The following SYT10 variants were observed in gnomAD, a reference collection of about 807,000 sequenced individuals.
The protein encoded by SYT10 is synaptotagmin-10.
In SYT10, 31 loss-of-function variants were observed where a neutral mutation model predicts 51.1. The ratio of observed to expected loss-of-function variants is 0.61; its 90% CI spans 0.46 to 0.82. SYT10 has a LOEUF of 0.82. SYT10 is among the 40% of genes least tolerant of loss of function. The probability of loss-of-function intolerance (pLI) is 0.00; values close to 1 mark genes in which losing one functional copy is unlikely to be tolerated. For synonymous variants in SYT10, 233 were observed against 225.9 expected, an observed-to-expected ratio of 1.03 and a Z score of -0.28; for missense variants, 603 against 634.0, an observed-to-expected ratio of 0.95 and a Z score of 0.53.
At position 33,376,533 on chromosome 12, in the gene SYT10, TA is replaced by T. The variant is rs1866063655; in HGVS notation, c.*296del. On this transcript the variant is annotated 3_prime_UTR_variant, in exon 7 of 7. Coordinates refer to ENST00000228567, the MANE Select transcript of SYT10 (RefSeq NM_198992.4). ...TAATTTTAGGTAAGTATGAACTGTTTAAAAAAACATTTCATATGCAAAGAAT... is the reference window on the plus strand; with the variant it reads ...TAATTTTAGGTAAGTATGAACTGTTTAAAAAACATTTCATATGCAAAGAAT... 2.6e-6 allele frequency: 1 copy of T among 377,386 alleles called. No individual in the cohort carries two copies. Among genetic ancestry groups the T allele is most frequent in the East Asian group, 4.7e-5 (1 of 21,312 alleles). 23.4% of individuals were successfully genotyped at this position (377,386 alleles called of 1,614,324 possible).
intron 2 of SYT10, among the ~76,000 whole-genome samples, chr12:33,421,505 C>G (rs1474308369): frequency 6.6e-6 from 1 of 152,078 alleles, no homozygotes; most frequent in Non-Finnish European, 1.5e-5. Context: ...TAACCTCTTT[C>G]TAATAGGAAC....
chr12:33,388,991 G>T (rs1324721307), intron 3 of SYT10, among the ~76,000 whole-genome samples: 1 of 152,180 alleles, frequency 6.6e-6, no homozygotes, highest in African/African-American at 2.4e-5. Context: ...TAACTAGAAG[G>T]TCTATTAACC....
intron 3 of SYT10, chr12:33,405,935 CA>C (rs1866349241): frequency 6.7e-6 from 1 of 149,800 alleles, no homozygotes. Context: ...AAGTGTCTAA[CA>C]GTAAGAAAAT....
In SYT10 at chr12:33,375,949, CGTCACAAAAAAATACAT is replaced by C. The variant is rs1015257127; in HGVS notation, c.*864_*880del. The C allele has an allele frequency of 6.6e-6, 1 of 152,348 alleles. No individual in the cohort carries two copies. Among genetic ancestry groups the C allele is most frequent in the African/African-American group, 2.4e-5 (1 of 41,356 alleles). The allele number at this position is 152,348 out of a possible 1,614,324, so 9.4% of individuals were successfully genotyped here. On this transcript the variant is annotated 3_prime_UTR_variant, in exon 7 of 7. Coordinates refer to ENST00000228567, the MANE Select transcript of SYT10 (RefSeq NM_198992.4). ...ATAGCTTCAAGTCACAAAAAATACA[CGTCACAAAAAAATACAT>C]GTCACAGTACTTGAGAACCTTACAA...
chr12:33,418,801 T>C (rs1866476331), intron 2 of SYT10, among the ~76,000 whole-genome samples: 1 of 152,188 alleles, frequency 6.6e-6, no homozygotes, highest in Admixed American at 6.5e-5. Context: ...GATTAGAGCT[T>C]CCTTAGTGGA....
intron 3 of SYT10, among the ~76,000 whole-genome samples, chr12:33,397,836 A>G (rs539009650): frequency 6.6e-6 from 1 of 152,272 alleles, no homozygotes; most frequent in South Asian, 2.1e-4. Context: ...GAGGCTTCCC[A>G]GGCAGAAACA....
chr12:33,426,561 A>G, intron 1 of SYT10, 66 bp from the exon 2 acceptor site: 1 of 1,257,938 alleles, frequency 7.9e-7, no homozygotes, highest in Admixed American at 3.2e-5. Flanking sequence ...AATGGAAAGA[A>G]TATTTTACAT....
chr12:33,376,608 G>C lies in SYT10; in HGVS notation c.*222C>G. On this transcript the variant is annotated 3_prime_UTR_variant, in exon 7 of 7. Coordinates refer to ENST00000228567, the MANE Select transcript of SYT10 (RefSeq NM_198992.4). The stretch of plus-strand genomic sequence containing the variant: ...GTGCTAACAGGCATTTGATACGAAG[G>C]ATAAAATGCCTTATGCAACTAAGGA... 1 of 532,894 alleles carries C rather than the reference G, an allele frequency of 1.9e-6. No homozygotes were observed. The highest frequency in any genetic ancestry group is 3.3e-6 in the Non-Finnish European group (1 of 299,362). The allele number at this position is 532,894 out of a possible 1,614,324, so 33.0% of individuals were successfully genotyped here.
At chr12:33,388,240 C>T (rs1411050698) in intron 3 of SYT10, among the ~76,000 whole-genome samples, 1 of 152,010 alleles carries the variant, frequency 6.6e-6, no homozygotes, top group Non-Finnish European at 1.5e-5. Flanking sequence ...CAGACTTGAA[C>T]AGTAAATAAT....
rs762292552 is a variant in SYT10, at chr12:33,426,299, A to C, written c.348T>G (p.Ile116Met). The C allele has an allele frequency of 6.2e-7, 1 of 1,613,688 alleles. No individual in the cohort carries two copies. ...EVFETEEKKEIKENEKPAVKA... is the reference protein window; with the variant it reads ...EVFETEEKKEMKENEKPAVKA... ...TTACGGCTGGCTTTTCATTTTCCTT[A>C]ATTTCTTTTTTCTCTTCAGTCTCAA... The change falls in exon 2 of 7, where the codon ATT becomes ATG. Residue 116 changes from isoleucine to methionine, a missense_variant. Physicochemically the swap from Ile to Met is conservative, Grantham distance 10. Coordinates refer to ENST00000228567, the MANE Select transcript of SYT10 (RefSeq NM_198992.4).
chr12:33,439,277 G>A, intron 1 of SYT10, 95 bp downstream of exon 1: 1 of 1,460,710 alleles, frequency 6.8e-7, no homozygotes. Flanking sequence ...ATATGCCGCG[G>A]GAGCGGCGCG....
intron 3 of SYT10, among the ~76,000 whole-genome samples, chr12:33,400,043 T>C (rs1866289199): frequency 6.6e-6 from 1 of 152,206 alleles, no homozygotes; most frequent in Non-Finnish European, 1.5e-5. Context: ...CCAGGAGACC[T>C]GGTAAGACAG....
At position 33,376,771 on chromosome 12, in the gene SYT10, T is replaced by C; in HGVS notation, c.*59A>G. 1 of 1,594,100 alleles carries C rather than the reference T, an allele frequency of 6.3e-7. No homozygotes were observed. The highest frequency in any genetic ancestry group is 1.1e-5 in the South Asian group (1 of 90,054). On this transcript the variant is annotated 3_prime_UTR_variant, in exon 7 of 7. Transcript: ENST00000228567. The stretch of plus-strand genomic sequence containing the variant: ...AGGAAACCAAACCTTCCACTTTTTT[T>C]CTGATTCAATGAGCACGTGATCCTA...
intron 3 of SYT10, among the ~76,000 whole-genome samples, chr12:33,394,841 C>T (rs1329981493): frequency 2.6e-5 from 4 of 152,206 alleles, no homozygotes; most frequent in Admixed American, 2.6e-4. Context: ...GTAAACCCAG[C>T]ACTTTGGGAG....
chr12:33,424,535 G>A (rs1373832158), intron 2 of SYT10, among the ~76,000 whole-genome samples: 3 of 151,990 alleles, frequency 2.0e-5, no homozygotes, highest in African/African-American at 4.8e-5. Flanking sequence ...GATATCATAT[G>A]TGGCCAAAGT....
Position 33,379,875 on chromosome 12 carries a change from GCC to G in SYT10, c.1455_1456del (p.Ala486LeufsTer23). On this transcript the variant is annotated frameshift_variant, in exon 6 of 7. Coordinates refer to ENST00000228567, the MANE Select transcript of SYT10 (RefSeq NM_198992.4). LOFTEE classifies it high-confidence loss of function. Reference sequence around the variant, plus strand: ...GTGCGTTATTGGTTTTCGATGATAGGCCAGCATTTCATTCCAGTGGTCTCGCC... The same window carrying G: ...GTGCGTTATTGGTTTTCGATGATAGGAGCATTTCATTCCAGTGGTCTCGCC... 3 of 1,613,898 alleles carry G rather than the reference GCC, an allele frequency of 1.9e-6. No homozygotes were observed. The highest frequency in any genetic ancestry group is 2.5e-6 in the Non-Finnish European group (3 of 1,179,922).
At chr12:33,383,716 C>T (rs960509249) in intron 4 of SYT10, among the ~76,000 whole-genome samples, 6 of 152,200 alleles carry the variant, frequency 3.9e-5, no homozygotes, top group African/African-American at 1.4e-4. Flanking sequence ...ACGTCTCTGA[C>T]TACATTTCTC....
At chr12:33,417,399 A>G (rs986594415) in intron 2 of SYT10, among the ~76,000 whole-genome samples, 2 of 152,342 alleles carry the variant, frequency 1.3e-5, no homozygotes, top group Admixed American at 6.5e-5. Flanking sequence ...GGTCTGCACC[A>G]CCTTGGGACT....
At chr12:33,419,034 G>A (rs921492289) in intron 2 of SYT10, among the ~76,000 whole-genome samples, 6 of 151,848 alleles carry the variant, frequency 4.0e-5, no homozygotes, top group South Asian at 4.2e-4. Context: ...TAGCTTCAGG[G>A]CCTTTGCAGT....
Sources: allele counts gnomAD v4.1 joint callset (sites outside exome capture counted in the v4.1 genomes callset), GRCh38; gene constraint gnomAD v4.1.1; transcripts MANE v1.5; gene names NCBI Gene and HGNC (gene_info 2026-07-23, HGNC 2026-07-21).